THSD7B: variants seen among roughly 807,000 people sequenced by gnomAD.
THSD7B encodes the protein thrombospondin type-1 domain-containing protein 7B.
A neutral mutation model predicts 213.6 loss-of-function variants in THSD7B; 138 were observed. The ratio of observed to expected loss-of-function variants is 0.65; its 90% CI spans 0.56 to 0.74. The LOEUF (loss-of-function observed/expected upper bound fraction) is 0.74. THSD7B is among the 30% of genes least tolerant of loss of function. THSD7B has a pLI of 0.00. For missense variants in THSD7B, 1,931 were observed against 1,991.5 expected, an observed-to-expected ratio of 0.97 and a Z score of 0.58; for synonymous variants, 742 against 687.0, an observed-to-expected ratio of 1.08 and a Z score of -1.25.
intron 5 of THSD7B, among the ~76,000 whole-genome samples, chr2:137,150,310 G>A (rs1180413123): frequency 6.6e-6 from 1 of 151,976 alleles, no homozygotes; most frequent in Non-Finnish European, 1.5e-5. Flanking sequence ...GGGGCCAGGG[G>A]CAGAATGATA....
In THSD7B at chr2:137,434,456, C is replaced by A. The variant is rs180914075; in HGVS notation, c.2960-16389C>A. 1.9e-4 allele frequency among the ~76,000 whole-genome samples: 29 copies of A among 152,276 alleles called. No individual in the cohort carries two copies. In the East Asian group the frequency reaches 3.9e-3, roughly 20 times the overall value. On this transcript the variant is annotated intron_variant, in intron 14 of 27. Coordinates refer to ENST00000409968, the MANE Select transcript of THSD7B (RefSeq NM_001316349.2). ...AGGCACTAACATAGGTTTGTGTTAA[C>A]CCCGTATGGCACTGTGCCCTCTGGT...
chr2:137,129,594 C>T (rs934378116), intron 5 of THSD7B, among the ~76,000 whole-genome samples: 1 of 152,002 alleles, frequency 6.6e-6, no homozygotes, highest in Non-Finnish European at 1.5e-5. Context: ...CCCGTGCCAC[C>T]ACACCTAGCT....
At chr2:136,774,046 T>G (rs1218903427) in intron 1 of THSD7B, among the ~76,000 whole-genome samples, 1 of 152,066 alleles carries the variant, frequency 6.6e-6, no homozygotes, top group East Asian at 1.9e-4. Flanking sequence ...ATGTCTGGCT[T>G]GCTTCTACTT....
At chr2:136,970,825 T>G (rs1685393066) in intron 2 of THSD7B, among the ~76,000 whole-genome samples, 1 of 152,176 alleles carries the variant, frequency 6.6e-6, no homozygotes, top group African/African-American at 2.4e-5. Flanking sequence ...AAATGCACCT[T>G]ATTTACAAAG....
intron 7 of THSD7B, among the ~76,000 whole-genome samples, chr2:137,193,885 T>G (rs1680708364): frequency 6.6e-6 from 1 of 151,242 alleles, no homozygotes; most frequent in Non-Finnish European, 1.5e-5. Flanking sequence ...ATAATTCTCC[T>G]GACTCTGGAC....
chr2:136,961,224 CTTT>C (rs201759566), intron 2 of THSD7B, among the ~76,000 whole-genome samples: 1 of 126,962 alleles, frequency 7.9e-6, no homozygotes. Flanking sequence ...TTTTTCTTTT[CTTT>C]TTTTTTTTTT....
At chr2:137,256,324 C>T (rs1682308445) in intron 10 of THSD7B, among the ~76,000 whole-genome samples, 1 of 152,142 alleles carries the variant, frequency 6.6e-6, no homozygotes, top group Non-Finnish European at 1.5e-5. Flanking sequence ...GGCATGCAAA[C>T]ACATGTTTTC....
intron 5 of THSD7B, among the ~76,000 whole-genome samples, chr2:137,128,451 T>C (rs971758611): frequency 1.3e-5 from 2 of 152,216 alleles, no homozygotes; most frequent in Non-Finnish European, 2.9e-5. Flanking sequence ...TATTACTTTC[T>C]GGGTTCCTCT....
chr2:137,456,692 G>A (rs1360671995), intron 15 of THSD7B, among the ~76,000 whole-genome samples: 2 of 152,198 alleles, frequency 1.3e-5, no homozygotes, highest in African/African-American at 2.4e-5. Flanking sequence ...TACATGCAGA[G>A]GGGAGGTTGG....
At chr2:137,390,590 T>C (rs1273919250) in intron 12 of THSD7B, among the ~76,000 whole-genome samples, 2 of 152,204 alleles carry the variant, frequency 1.3e-5, no homozygotes, top group Non-Finnish European at 2.9e-5. Context: ...GTAGTAAAAG[T>C]GGATATCCTT....
intron 2 of THSD7B, among the ~76,000 whole-genome samples, chr2:136,979,119 C>A (rs1685533889): frequency 6.6e-6 from 1 of 152,104 alleles, no homozygotes; most frequent in African/African-American, 2.4e-5. Context: ...AATATTGGCT[C>A]CCAATCTCTT....
At chr2:137,014,795 C>T (rs1012467486) in intron 2 of THSD7B, among the ~76,000 whole-genome samples, 3 of 152,146 alleles carry the variant, frequency 2.0e-5, no homozygotes, top group Non-Finnish European at 4.4e-5. Context: ...AGTCACTTCC[C>T]CTCTTGCTTT....
At chr2:136,891,781 T>A (rs534764585) in intron 2 of THSD7B, among the ~76,000 whole-genome samples, 1 of 152,194 alleles carries the variant, frequency 6.6e-6, no homozygotes, top group South Asian at 2.1e-4. Flanking sequence ...TCCATCCATG[T>A]TGCAATTCTC....
chr2:137,549,590 G>A (rs62168012), intron 15 of THSD7B, among the ~76,000 whole-genome samples: 7,502 of 151,996 alleles, frequency 0.049, 236 homozygotes, highest in Middle Eastern at 0.085. Flanking sequence ...ACAATACAGC[G>A]TTGTTATCTA....
chr2:137,476,304 A>C (rs1688190218), intron 15 of THSD7B, among the ~76,000 whole-genome samples: 1 of 152,026 alleles, frequency 6.6e-6, no homozygotes, highest in Admixed American at 6.6e-5. Context: ...TCTGTGTAGA[A>C]GCTTTTTAGT....
chr2:137,496,485 A>G (rs1375361), intron 15 of THSD7B, among the ~76,000 whole-genome samples: 104,897 of 152,066 alleles, frequency 0.69, 37,586 homozygotes, highest in Non-Finnish European at 0.79. Context: ...TTTTGTGTGC[A>G]TTTTTTTAGA....
chr2:136,960,869 C>T (rs7420718), intron 2 of THSD7B, among the ~76,000 whole-genome samples: 12,831 of 151,358 alleles, frequency 0.085, 620 homozygotes, highest in Middle Eastern at 0.17. Flanking sequence ...GTGGGCGGAT[C>T]GCAAGGTCAG....
chr2:136,893,079 G>A lies in THSD7B; in HGVS notation c.139+10762G>A, dbSNP rs73957602. Among the ~76,000 whole-genome samples, 1,444 of 152,144 alleles carry A rather than the reference G, an allele frequency of 9.5e-3. 26 individuals carry two copies. Among genetic ancestry groups the A allele is most frequent in the African/African-American group, 0.033 (1,355 of 41,502 alleles). ...CCTATGTCATGTCTTCCACATTAAC[G>A]GGAAGTCTTCTCATTTACGTTTTAC... On this transcript the variant is annotated intron_variant, in intron 2 of 27. Coordinates refer to ENST00000409968, the MANE Select transcript of THSD7B (RefSeq NM_001316349.2).
chr2:137,113,567 G>C (rs937587496), intron 4 of THSD7B, among the ~76,000 whole-genome samples: 1 of 152,080 alleles, frequency 6.6e-6, no homozygotes, highest in African/African-American at 2.4e-5. Flanking sequence ...CTCCCGAGTA[G>C]CTGGGATTAC....
Sources: gnomAD v4.1 joint callset for allele counts (sites outside exome capture counted in the v4.1 genomes callset) on GRCh38, gnomAD v4.1.1 for gene constraint, MANE v1.5 for transcripts, NCBI Gene and HGNC (gene_info 2026-07-23, HGNC 2026-07-21) for gene names.